Variants in LRRC49 observed in about 807,000 individuals in gnomAD.
LRRC49 encodes the protein leucine rich repeat containing 49.
In LRRC49, 50 loss-of-function variants were observed where a neutral mutation model predicts 83.3. The ratio of observed to expected loss-of-function variants is 0.60; its 90% CI spans 0.48 to 0.76. The LOEUF is 0.76. Ranked by LOEUF, LRRC49 falls within the 30% of genes least tolerant of loss-of-function variation. The pLI is 0.00. For synonymous variants in LRRC49, 286 were observed against 283.3 expected (o/e 1.01, Z -0.10); for missense variants, 704 against 809.1 (o/e 0.87, Z 1.58).
At chr15:70,905,847 C>A (rs2034284398) in intron 5 of LRRC49, among the ~76,000 whole-genome samples, 1 of 152,074 alleles carries the variant, frequency 6.6e-6, no homozygotes, top group African/African-American at 2.4e-5. Context: ...TCATAAGACC[C>A]TCATTCCAGA....
At chr15:70,918,900 C>T in intron 6 of LRRC49, 150 bp from the exon 7 acceptor site, 1 of 577,202 alleles carries the variant, frequency 1.7e-6, no homozygotes. Context: ...TTATCTACAG[C>T]ATAGGAAATT....
chr15:70,989,482 A>G (rs2141236441), intron 11 of LRRC49, among the ~76,000 whole-genome samples: 1 of 152,240 alleles, frequency 6.6e-6, no homozygotes, highest in South Asian at 2.1e-4. Flanking sequence ...TTTCAGCTCC[A>G]TCAGCTCCTT....
intron 5 of LRRC49, among the ~76,000 whole-genome samples, chr15:70,904,978 T>C (rs1226996056): frequency 6.6e-5 from 10 of 152,232 alleles, no homozygotes; most frequent in Non-Finnish European, 1.5e-4. Context: ...TTTACTTCCA[T>C]TGCTTTCCAG....
intron 11 of LRRC49, among the ~76,000 whole-genome samples, chr15:70,996,014 G>A (rs942125272): frequency 1.3e-5 from 2 of 151,918 alleles, no homozygotes; most frequent in African/African-American, 4.8e-5. Context: ...ATTAGGAAAG[G>A]GATCCACAAT....
intron 2 of LRRC49, chr15:70,882,134 A>C (rs1033684166): frequency 1.3e-5 from 3 of 225,496 alleles, no homozygotes; most frequent in Admixed American, 5.1e-5. Context: ...TTGCTTCTGA[A>C]CTAAGCTTAA....
chr15:70,963,888 C>T lies in LRRC49; in HGVS notation c.877C>T (p.Gln293Ter), dbSNP rs771355795. Residue 293 changes from glutamine (Q) to a stop codon, truncating the protein, a stop_gained, in exon 9 of 16, where the codon CAG becomes TAG. Transcript: ENST00000260382. LOFTEE classifies it high-confidence loss of function. ...GTCATGGTACAAACACACTGTCCTT[C>T]AGAATATGATGCAGCTGCGCCAGCT... ...QESWYKHTVL[Q>*]NMMQLRQLDM... 6 of 1,613,496 alleles carry T rather than the reference C, an allele frequency of 3.7e-6. No individual in the cohort carries two copies. The highest frequency in any genetic ancestry group is 5.1e-6 in the Non-Finnish European group (6 of 1,179,616).
chr15:70,898,302 T>G, intron 3 of LRRC49: 1 of 647,246 alleles, frequency 1.5e-6, no homozygotes, highest in Non-Finnish European at 2.8e-6. Context: ...AAAATAGATT[T>G]TCAATTAAAT....
chr15:70,887,021 CAAATT>C (rs2033428120), intron 2 of LRRC49, among the ~76,000 whole-genome samples: 1 of 151,686 alleles, frequency 6.6e-6, no homozygotes, highest in African/African-American at 2.4e-5. Context: ...ATGGAACAGA[CAAATT>C]AAAAAATACT....
chr15:70,930,850 ATC>A (rs2035379915), intron 7 of LRRC49, among the ~76,000 whole-genome samples: 2 of 152,122 alleles, frequency 1.3e-5, no homozygotes, highest in Admixed American at 1.3e-4. Context: ...CAGCTTCCTT[ATC>A]TCTCTCAGCC....
At chr15:70,938,134 T>C (rs956351310) in intron 8 of LRRC49, among the ~76,000 whole-genome samples, 10 of 152,116 alleles carry the variant, frequency 6.6e-5, no homozygotes, top group Non-Finnish European at 1.0e-4. Context: ...TAAAGAGATA[T>C]ATAAATTTGG....
chr15:70,956,966 C>T (rs1050503082), intron 8 of LRRC49, among the ~76,000 whole-genome samples: 1 of 152,158 alleles, frequency 6.6e-6, no homozygotes, highest in Non-Finnish European at 1.5e-5. Flanking sequence ...TTTTGTTGTG[C>T]TTGAATTACA....
At chr15:70,854,348 GC>G (rs1349080586) in intron 1 of LRRC49, among the ~76,000 whole-genome samples, 1 of 152,082 alleles carries the variant, frequency 6.6e-6, no homozygotes, top group Non-Finnish European at 1.5e-5. Context: ...TCCGACGGAG[GC>G]CCGTCCCGGA....
chr15:71,035,943 A>T (rs2039506080), intron 14 of LRRC49, among the ~76,000 whole-genome samples: 1 of 152,138 alleles, frequency 6.6e-6, no homozygotes, highest in African/African-American at 2.4e-5. Flanking sequence ...GGTTGAACTA[A>T]TTTACACTCC....
chr15:70,932,106 C>G (rs949507212), intron 7 of LRRC49, among the ~76,000 whole-genome samples: 2 of 152,142 alleles, frequency 1.3e-5, no homozygotes, highest in Admixed American at 6.5e-5. Flanking sequence ...GGTATTAAAA[C>G]AGTGTGTAGA....
chr15:71,034,021 A>C (rs989646980), intron 14 of LRRC49, among the ~76,000 whole-genome samples: 3 of 152,174 alleles, frequency 2.0e-5, no homozygotes, highest in Admixed American at 6.6e-5. Context: ...CCACAAAAGC[A>C]AAAATTGACA....
chr15:70,863,950 G>A (rs748254641), intron 1 of LRRC49, among the ~76,000 whole-genome samples: 1 of 152,168 alleles, frequency 6.6e-6, no homozygotes, highest in Non-Finnish European at 1.5e-5. Context: ...CACCTTCTGT[G>A]CTGCTCATCA....
intron 1 of LRRC49, among the ~76,000 whole-genome samples, chr15:70,872,106 A>C (rs1379625740): frequency 1.3e-5 from 2 of 152,244 alleles, no homozygotes; most frequent in Admixed American, 1.3e-4. Flanking sequence ...CCTGGGCAAC[A>C]TTGAGCACTG....
chr15:71,022,728 A>G (rs1299135218), intron 14 of LRRC49, among the ~76,000 whole-genome samples: 1 of 152,254 alleles, frequency 6.6e-6, no homozygotes, highest in Non-Finnish European at 1.5e-5. Flanking sequence ...ATCCACAATT[A>G]CAATTAGTGG....
chr15:70,957,275 T>A (rs2036436354), intron 8 of LRRC49, among the ~76,000 whole-genome samples: 1 of 152,206 alleles, frequency 6.6e-6, no homozygotes, highest in African/African-American at 2.4e-5. Flanking sequence ...ACAATCTGGC[T>A]TGTAAATAAA....
Sources: allele counts gnomAD v4.1 joint callset (sites outside exome capture counted in the v4.1 genomes callset), GRCh38; gene constraint gnomAD v4.1.1; transcripts MANE v1.5; gene names NCBI Gene and HGNC (gene_info 2026-07-23, HGNC 2026-07-21).